Variants in PRSS53 observed in about 807,000 individuals in gnomAD.
The protein encoded by PRSS53 is serine protease 53.
A neutral mutation model predicts 62.7 loss-of-function variants in PRSS53; 54 were observed. That is an observed-to-expected ratio of 0.86 (90% CI 0.69 to 1.08). The LOEUF is 1.08. Ranked by LOEUF, PRSS53 falls within the 50% of genes least tolerant of loss-of-function variation. The probability of loss-of-function intolerance (pLI) is 0.00; values close to 1 mark genes in which losing one functional copy is unlikely to be tolerated. For missense variants in PRSS53, 688 were observed against 728.3 expected, an observed-to-expected ratio of 0.94 and a Z score of 0.64; for synonymous variants, 273 against 300.0, an observed-to-expected ratio of 0.91 and a Z score of 0.93.
At chr16:31,083,669 T>C in exon 11 of PRSS53, 1 of 1,572,930 alleles carries the variant, frequency 6.4e-7, no homozygotes, top group Non-Finnish European at 8.6e-7. Flanking sequence ...TTCCCACAGC[T>C]GCTGGGCTTC....
At chr16:31,083,610 C>T in exon 11 of PRSS53, 4 of 1,491,554 alleles carry the variant, frequency 2.7e-6, no homozygotes, top group Non-Finnish European at 2.7e-6. Context: ...CACAGACACC[C>T]CTGTCCTGCA....
At chr16:31,083,526 A>ATTG in exon 11 of PRSS53, 1 of 1,379,144 alleles carries the variant, frequency 7.3e-7, no homozygotes, top group Middle Eastern at 2.7e-4. Flanking sequence ...GGCTGGCGTG[A>ATTG]TTGTATCTGA....
intron 1 of PRSS53, chr16:31,088,282 G>T: frequency 8.8e-7 from 1 of 1,132,154 alleles, no homozygotes; most frequent in South Asian, 2.3e-5. Context: ...CTGGTCTAGA[G>T]ACTCAGTCTT....
chr16:31,084,845 T>G (rs2057214340), exon 8 of PRSS53: 1 of 1,551,356 alleles, frequency 6.4e-7, no homozygotes, highest in Admixed American at 2.0e-5. Flanking sequence ...GTGGTCAGGA[T>G]AGGGCAGGCA....
At chr16:31,087,480 G>T in intron 3 of PRSS53, 57 bp downstream of exon 3, 1 of 1,384,542 alleles carries the variant, frequency 7.2e-7, no homozygotes, top group South Asian at 1.2e-5. Context: ...TGGGGCTTGA[G>T]ACAAATTGTC....
chr16:31,086,792 G>A, exon 4 of PRSS53: 1 of 1,613,502 alleles, frequency 6.2e-7, no homozygotes, highest in Middle Eastern at 1.7e-4. Context: ...TAGGCCCTGG[G>A]CAACTGCAGG....
At chr16:31,085,791 A>C (rs2057226013) in intron 6 of PRSS53, among the ~76,000 whole-genome samples, 173 bp downstream of exon 6, 1 of 152,182 alleles carries the variant, frequency 6.6e-6, no homozygotes. Flanking sequence ...CCAAACCTGT[A>C]GAGTTCCAAA....
At chr16:31,088,823 A>G in exon 1 of PRSS53, 3 of 1,613,250 alleles carry the variant, frequency 1.9e-6, no homozygotes, top group Non-Finnish European at 8.5e-7. Context: ...GCCCCGGGCC[A>G]CTCTGCCACC....
At chr16:31,087,066 G>T in intron 3 of PRSS53, 168 bp from the exon 4 acceptor site, 1 of 675,338 alleles carries the variant, frequency 1.5e-6, no homozygotes, top group Non-Finnish European at 2.4e-6. Flanking sequence ...GCATGACCAT[G>T]ACTCACTACA....
At chr16:31,084,672 G>C (rs1375831191) in exon 9 of PRSS53, 1 of 1,611,876 alleles carries the variant, frequency 6.2e-7, no homozygotes, top group Admixed American at 1.7e-5. Context: ...GCCCCAGGAG[G>C]GTCACGGGCA....
At chr16:31,088,167 A>G (rs1161905649) in intron 1 of PRSS53, 6 of 1,272,164 alleles carry the variant, frequency 4.7e-6, no homozygotes, top group Non-Finnish European at 1.0e-6. Context: ...TGTAGAGAGC[A>G]TTAGCTTAAT....
In PRSS53 at chr16:31,087,711, A is replaced by G; in HGVS notation, c.80-12T>C. 6.2e-7 allele frequency: 1 copy of G among 1,613,768 alleles called. No homozygotes were observed. The highest frequency in any genetic ancestry group is 8.5e-7 in the Non-Finnish European group (1 of 1,179,888). ...ACGCTGTCCACAGGCTGTGGAAAGG[A>G]GTTAGTCACACTGACAGCAGATACC... On this transcript the variant is annotated splice_polypyrimidine_tract_variant and intron_variant, in intron 2 of 10. Coordinates refer to ENST00000280606, the Ensembl canonical transcript of PRSS53.
intron 1 of PRSS53, chr16:31,088,223 C>T: frequency 8.7e-7 from 1 of 1,145,800 alleles, no homozygotes; most frequent in Non-Finnish European, 1.1e-6. Flanking sequence ...TAGAGGCCTG[C>T]ATCATTTCCA....
rs2057233109 is a variant in PRSS53 at position 31,086,317 on chromosome 16, T to C, written c.663+20A>G. 6.3e-7 allele frequency: 1 copy of C among 1,599,582 alleles called. No individual in the cohort carries two copies. The highest frequency in any genetic ancestry group is 8.5e-7 in the Non-Finnish European group (1 of 1,171,060). On this transcript the variant is annotated intron_variant, in intron 5 of 10. Transcript: ENST00000280606. The stretch of plus-strand genomic sequence containing the variant: ...GGTTAGGCCCCTCCCCTTCTGCTCC[T>C]TCTCTTCTCCCTATCAGACCTGACA...
exon 7 of PRSS53, chr16:31,085,188 ATCAGCC>A: frequency 6.2e-7 from 1 of 1,609,394 alleles, no homozygotes; most frequent in South Asian, 1.1e-5. Flanking sequence ...TCCCTGGTGC[ATCAGCC>A]TGGCCTCCCA....
chr16:31,083,713 C>T, exon 11 of PRSS53: 1 of 1,611,754 alleles, frequency 6.2e-7, no homozygotes, highest in Non-Finnish European at 8.5e-7. Context: ...TCACACATGA[C>T]AGGGTGGGGA....
At chr16:31,088,648 C>A in intron 1 of PRSS53, 104 bp downstream of exon 1, 1 of 1,579,408 alleles carries the variant, frequency 6.3e-7, no homozygotes, top group South Asian at 1.1e-5. Flanking sequence ...GGTGGACTGT[C>A]GCCCACAGGC....
chr16:31,088,370 AC>A, intron 1 of PRSS53: 1 of 1,128,368 alleles, frequency 8.9e-7, no homozygotes, highest in Non-Finnish European at 1.1e-6. Context: ...GCACACAGGC[AC>A]CCCATGAGAC....
intron 5 of PRSS53, 41 bp from the exon 6 acceptor site, chr16:31,086,224 CA>C: frequency 6.3e-7 from 1 of 1,592,942 alleles, no homozygotes; most frequent in African/African-American, 1.3e-5. Flanking sequence ...TGCCTGAGCC[CA>C]GCTATGGCAG....
Sources: allele counts gnomAD v4.1 joint callset (sites outside exome capture counted in the v4.1 genomes callset), GRCh38; gene constraint gnomAD v4.1.1; transcripts MANE v1.5; gene names NCBI Gene and HGNC (gene_info 2026-07-23, HGNC 2026-07-21).